DNAH7: variants seen among roughly 807,000 people sequenced by gnomAD.
DNAH7 encodes the protein axonemal beta dynein heavy chain 7.
In DNAH7, 397 loss-of-function variants were observed where a neutral mutation model predicts 444.6. The observed-to-expected ratio is 0.89, with a 90% CI of 0.82 to 0.97. The LOEUF is 0.97. DNAH7 is among the 50% of genes least tolerant of loss of function. The probability of loss-of-function intolerance (pLI) is 0.00; values close to 1 mark genes in which losing one functional copy is unlikely to be tolerated. For missense variants in DNAH7, 4,902 were observed against 4,800.8 expected, an observed-to-expected ratio of 1.02 and a Z score of -0.62; for synonymous variants, 1,636 against 1,624.4, an observed-to-expected ratio of 1.01 and a Z score of -0.17.
chr2:196,037,612 A>G (rs1453890056), intron 5 of DNAH7, among the ~76,000 whole-genome samples: 1 of 152,176 alleles, frequency 6.6e-6, no homozygotes, highest in African/African-American at 2.4e-5. Context: ...TAAAAAAATC[A>G]GGAGTTTCTG....
intron 47 of DNAH7, among the ~76,000 whole-genome samples, chr2:195,843,535 C>T (rs1698807950): frequency 6.6e-6 from 1 of 152,018 alleles, no homozygotes; most frequent in South Asian, 2.1e-4. Flanking sequence ...TTATTTTTGT[C>T]TTAGTTATCA....
At position 195,987,065 on chromosome 2, in the gene DNAH7, C is replaced by G. The variant is rs2125631883; in HGVS notation, c.1754+1G>C. 1.3e-6 allele frequency: 2 copies of G among 1,589,894 alleles called. No homozygotes were observed. Among genetic ancestry groups the G allele is most frequent in the Non-Finnish European group, 8.5e-7 (1 of 1,173,278 alleles). On this transcript the variant is annotated splice_donor_variant, in intron 14 of 64. Coordinates refer to ENST00000312428, the MANE Select transcript of DNAH7 (RefSeq NM_018897.3). LOFTEE classifies it high-confidence loss of function. ...TAAAAAAACCAGTATCACATAAATACCTTGTATTTACTTCCTGATGATCTC... is the reference window on the plus strand; with the variant it reads ...TAAAAAAACCAGTATCACATAAATAGCTTGTATTTACTTCCTGATGATCTC...
chr2:195,844,600 C>A (rs1312049612), intron 47 of DNAH7, among the ~76,000 whole-genome samples: 2 of 152,182 alleles, frequency 1.3e-5, no homozygotes, highest in Non-Finnish European at 2.9e-5. Context: ...TTAAAACAGT[C>A]CCACACTAGG....
At chr2:195,762,378 CAAT>C (rs1275294732) in intron 61 of DNAH7, among the ~76,000 whole-genome samples, 2 of 151,964 alleles carry the variant, frequency 1.3e-5, no homozygotes, top group Admixed American at 6.6e-5. Context: ...ACTTACTTAT[CAAT>C]AATAATGTTG....
intron 18 of DNAH7, among the ~76,000 whole-genome samples, chr2:195,959,694 G>A (rs1028698498): frequency 3.3e-5 from 5 of 152,246 alleles, no homozygotes; most frequent in Admixed American, 1.3e-4. Context: ...TACAAAAACT[G>A]GAAACATTGA....
chr2:196,047,733 A>T (rs901717139), intron 4 of DNAH7, among the ~76,000 whole-genome samples: 2 of 151,742 alleles, frequency 1.3e-5, no homozygotes, highest in Non-Finnish European at 2.9e-5. Context: ...ATTTTGATTA[A>T]TATACTAATA....
chr2:195,787,230 A>C (rs1456576288), intron 57 of DNAH7, 59 bp from the exon 58 acceptor site: 1 of 1,502,790 alleles, frequency 6.7e-7, no homozygotes, highest in African/African-American at 1.4e-5. Flanking sequence ...CATTATATTT[A>C]CCATATTTTA....
intron 9 of DNAH7, among the ~76,000 whole-genome samples, chr2:196,013,795 C>G (rs1694852962): frequency 6.6e-6 from 1 of 152,140 alleles, no homozygotes; most frequent in Non-Finnish European, 1.5e-5. Context: ...CATAATAGCA[C>G]ATAGTAAACA....
intron 10 of DNAH7, among the ~76,000 whole-genome samples, chr2:196,004,962 C>CAAAAAA (rs60564090): frequency 1.6e-5 from 1 of 63,652 alleles, no homozygotes; most frequent in Non-Finnish European, 3.4e-5. Context: ...GGCCTTGTGT[C>CAAAAAA]AAAAAAAAAA....
At chr2:195,833,443 C>T (rs1006380554) in intron 48 of DNAH7, among the ~76,000 whole-genome samples, 2 of 152,118 alleles carry the variant, frequency 1.3e-5, no homozygotes, top group African/African-American at 4.8e-5. Context: ...ATGATTCTTC[C>T]ATATTATATT....
intron 22 of DNAH7, 67 bp from the exon 23 acceptor site, chr2:195,923,874 G>A: frequency 7.6e-7 from 1 of 1,315,856 alleles, no homozygotes; most frequent in Non-Finnish European, 1.1e-6. Flanking sequence ...AAAACATTCT[G>A]AACTAGTATA....
Position 195,960,399 on chromosome 2 carries a change from C to T in DNAH7, c.2752G>A (p.Val918Ile). The stretch of plus-strand genomic sequence containing the variant: ...CCAGTTTCTCTATAAGAATGGATGA[C>T]AAATTCCACTGCATCCCACTCAGTA... ...MITEWDAVEF[V>I]IHSYRETGTF... The change falls in exon 18 of 65, where the codon GTC becomes ATC. Residue 918 changes from valine (V) to isoleucine (I), a missense_variant. Val to Ile is a conservative substitution (Grantham distance 29, BLOSUM62 3). Transcript: ENST00000312428. 6.2e-7 allele frequency: 1 copy of T among 1,614,162 alleles called. No individual in the cohort carries two copies. The highest frequency in any genetic ancestry group is 8.5e-7 in the Non-Finnish European group (1 of 1,180,018).
intron 29 of DNAH7, 84 bp from the exon 30 acceptor site, chr2:195,895,308 T>C: frequency 1.2e-6 from 1 of 818,630 alleles, no homozygotes; most frequent in Non-Finnish European, 1.8e-6. Flanking sequence ...ATAGGGCCAT[T>C]AGATAATAAT....
chr2:196,064,987 GC>G (rs780165945), intron 1 of DNAH7, among the ~76,000 whole-genome samples: 3 of 152,020 alleles, frequency 2.0e-5, no homozygotes, highest in Admixed American at 6.6e-5. Context: ...ATATATATGT[GC>G]ATCTCTGTTT....
At chr2:195,980,061 C>CAAAAAAAAAAAAAAAAA (rs59664135) in intron 15 of DNAH7, among the ~76,000 whole-genome samples, 1 of 75,062 alleles carries the variant, frequency 1.3e-5, no homozygotes, top group African/African-American at 4.4e-5. Context: ...CAAACTAATA[C>CAAAAAAAAAAAAAAAAA]AAAAAAAAAA....
chr2:195,868,711 C>A (rs935318873), intron 40 of DNAH7, among the ~76,000 whole-genome samples: 3 of 150,448 alleles, frequency 2.0e-5, no homozygotes, highest in African/African-American at 7.4e-5. Context: ...TTTGATGAAA[C>A]ATATTCATCT....
chr2:196,018,580 G>A (rs1211952978), intron 9 of DNAH7, among the ~76,000 whole-genome samples: 1 of 152,050 alleles, frequency 6.6e-6, no homozygotes, highest in East Asian at 1.9e-4. Flanking sequence ...AATTCCATAA[G>A]ATAAATTTAA....
intron 25 of DNAH7, among the ~76,000 whole-genome samples, chr2:195,909,319 G>A (rs150461417): frequency 6.6e-6 from 1 of 152,156 alleles, no homozygotes; most frequent in Non-Finnish European, 1.5e-5. Context: ...ATTTCAAGTG[G>A]ATCATTTTGT....
intron 47 of DNAH7, among the ~76,000 whole-genome samples, chr2:195,844,712 T>C (rs1438321079): frequency 5.3e-5 from 8 of 152,200 alleles, no homozygotes. Context: ...TTTATGGAAA[T>C]GAAAATTTTG....
Sources: allele counts gnomAD v4.1 joint callset (sites outside exome capture counted in the v4.1 genomes callset), GRCh38; gene constraint gnomAD v4.1.1; transcripts MANE v1.5; gene names NCBI Gene and HGNC (gene_info 2026-07-23, HGNC 2026-07-21).